Variants in DOCK3 observed in about 807,000 individuals in gnomAD.
DOCK3 encodes the protein dedicator of cytokinesis 3, also known as dedicator of cytokinesis protein 3.
DOCK3 carries 60 observed loss-of-function variants against 265.6 expected under a neutral mutation model. The observed-to-expected ratio is 0.23, with a 90% CI of 0.18 to 0.28. The LOEUF (loss-of-function observed/expected upper bound fraction) is 0.28, where lower values mean the gene tolerates loss of function less well. Among genes scored for constraint, DOCK3 ranks in the 10% least tolerant of loss-of-function variants. The pLI, the probability that DOCK3 is intolerant of heterozygous loss-of-function variation, is 1.00. For synonymous variants in DOCK3, 881 were observed against 938.0 expected (o/e 0.94, Z 1.11); for missense variants, 1,981 against 2,594.3 (o/e 0.76, Z 5.14).
chr3:50,901,247 A>C (rs13092418), intron 4 of DOCK3, among the ~76,000 whole-genome samples: 14,362 of 152,136 alleles, frequency 0.094, 839 homozygotes, highest in Non-Finnish European at 0.12. Context: ...CCCAGTTTGA[A>C]CTTCCTGATG....
intron 9 of DOCK3, among the ~76,000 whole-genome samples, chr3:51,093,547 G>C (rs1576046312): frequency 6.6e-6 from 1 of 152,192 alleles, no homozygotes; most frequent in South Asian, 2.1e-4. Context: ...CTGAGACTTT[G>C]CTGAAGTTAC....
chr3:51,271,053 C>T, intron 24 of DOCK3, 46 bp downstream of exon 24: 1 of 1,565,474 alleles, frequency 6.4e-7, no homozygotes, highest in Non-Finnish European at 8.7e-7. Context: ...CAGGGGTGTC[C>T]TCCTTCCTTC....
intron 3 of DOCK3, among the ~76,000 whole-genome samples, chr3:50,865,880 G>C: frequency 6.6e-6 from 1 of 152,052 alleles, no homozygotes; most frequent in Non-Finnish European, 1.5e-5. Flanking sequence ...TTGTAGTTTT[G>C]GTTTGTATTT....
In DOCK3 at chr3:51,322,879, C is replaced by T. The variant is rs150583554; in HGVS notation, c.3403-7259C>T. On this transcript the variant is annotated intron_variant, in intron 32 of 52. Transcript: ENST00000266037. ...TGGCAAATTGGGTAAAGAGTCAAGA[C>T]CCATCGGTGTGCTGTATTCAAGAGA... 4.2e-3 allele frequency among the ~76,000 whole-genome samples: 645 copies of T among 151,894 alleles called. 2 individuals are homozygous for T. The highest frequency in any genetic ancestry group is 0.014 in the Middle Eastern group (4 of 294).
intron 4 of DOCK3, among the ~76,000 whole-genome samples, chr3:50,922,739 C>A (rs2050557691): frequency 6.6e-6 from 1 of 151,662 alleles, no homozygotes. Flanking sequence ...ATGCACTTAG[C>A]CAGTTTATTT....
At chr3:50,703,612 G>T (rs1231075825) in intron 1 of DOCK3, among the ~76,000 whole-genome samples, 3 of 151,686 alleles carry the variant, frequency 2.0e-5, no homozygotes, top group Admixed American at 6.6e-5. Context: ...CAATTTGTTA[G>T]CATATAGTTG....
intron 6 of DOCK3, among the ~76,000 whole-genome samples, chr3:51,067,053 A>G (rs1197022863): frequency 6.6e-6 from 1 of 152,198 alleles, no homozygotes; most frequent in Non-Finnish European, 1.5e-5. Flanking sequence ...ATGTTATGAA[A>G]TTATGTCACT....
chr3:50,943,558 T>C (rs1187558176), intron 5 of DOCK3, among the ~76,000 whole-genome samples: 1 of 152,088 alleles, frequency 6.6e-6, no homozygotes, highest in Admixed American at 6.5e-5. Flanking sequence ...GGCTAAGGTG[T>C]TAGATGTTTT....
In DOCK3 at chr3:51,007,131, A is replaced by G. The variant is rs1575736526; in HGVS notation, c.316-57317A>G. ...TAGCATGCTTTATAATCCGTTGGAT[A>G]TATACCCAGTAATGGGATGGCTGGG... On this transcript the variant is annotated intron_variant, in intron 5 of 52. Coordinates refer to ENST00000266037, the MANE Select transcript of DOCK3 (RefSeq NM_004947.5). 2.0e-5 allele frequency among the ~76,000 whole-genome samples: 3 copies of G among 152,362 alleles called. No individual in the cohort carries two copies. In the South Asian group the frequency reaches 6.2e-4, roughly 32 times the overall value.
At chr3:51,330,367 C>A in intron 33 of DOCK3, 144 bp downstream of exon 33, 1 of 618,438 alleles carries the variant, frequency 1.6e-6, no homozygotes, top group Non-Finnish European at 2.7e-6. Flanking sequence ...TAGCAATGCT[C>A]AACTTCTGTC....
At chr3:50,730,645 T>C (rs868138846) in intron 1 of DOCK3, among the ~76,000 whole-genome samples, 7 of 150,122 alleles carry the variant, frequency 4.7e-5, no homozygotes, top group African/African-American at 1.5e-4. Flanking sequence ...CTGGCCAACA[T>C]AGTGTCTCTA....
intron 1 of DOCK3, among the ~76,000 whole-genome samples, chr3:50,756,308 G>A (rs77125954): frequency 0.048 from 7,315 of 152,140 alleles, 247 homozygotes; most frequent in Non-Finnish European, 0.075. Context: ...GAGTCTGCTC[G>A]CCCAATTCCT....
intron 5 of DOCK3, among the ~76,000 whole-genome samples, chr3:51,048,863 A>C (rs2080878281): frequency 7.7e-6 from 1 of 129,760 alleles, no homozygotes; most frequent in Non-Finnish European, 1.5e-5. Flanking sequence ...ACTCCATCTC[A>C]AAAAAAAAAA....
intron 12 of DOCK3, among the ~76,000 whole-genome samples, chr3:51,201,011 G>T (rs981048931): frequency 1.3e-5 from 2 of 152,012 alleles, no homozygotes; most frequent in South Asian, 2.1e-4. Flanking sequence ...CCCTAAAAGA[G>T]CTCCTGAGGG....
chr3:50,778,865 T>C (rs2041758100), intron 2 of DOCK3, 107 bp downstream of exon 2: 5 of 711,542 alleles, frequency 7.0e-6, no homozygotes, highest in Admixed American at 2.8e-5. Flanking sequence ...GAGCCATAAT[T>C]AGTCACATGA....
intron 10 of DOCK3, among the ~76,000 whole-genome samples, chr3:51,158,168 T>G (rs1410494691): frequency 1.3e-5 from 2 of 152,182 alleles, no homozygotes; most frequent in African/African-American, 2.4e-5. Flanking sequence ...TTAAAGAATT[T>G]TTGTTATTTC....
intron 2 of DOCK3, among the ~76,000 whole-genome samples, chr3:50,790,615 G>A (rs2042420847): frequency 6.6e-6 from 1 of 151,832 alleles, no homozygotes; most frequent in African/African-American, 2.4e-5. Context: ...ACTGATAATT[G>A]TTTTGTTTAA....
intron 3 of DOCK3, among the ~76,000 whole-genome samples, chr3:50,881,077 GC>G (rs2047995829): frequency 6.6e-6 from 1 of 152,078 alleles, no homozygotes; most frequent in Non-Finnish European, 1.5e-5. Context: ...AAATTCAACA[GC>G]CCTTCATAAT....
rs2084628640 is a variant in DOCK3 at position 51,333,006 on chromosome 3, A to G, written c.3494A>G (p.Gln1165Arg). 1 of 1,613,984 alleles carries G rather than the reference A, an allele frequency of 6.2e-7. No homozygotes were observed. Among genetic ancestry groups the G allele is most frequent in the Non-Finnish European group, 8.5e-7 (1 of 1,179,882 alleles). The change falls in exon 34 of 53, where the codon CAG (glutamine) becomes CGG (arginine). Residue 1165 changes from glutamine (Q) to arginine (R), a missense_variant. Gln to Arg is a conservative substitution (Grantham distance 43). Coordinates refer to ENST00000266037, the MANE Select transcript of DOCK3 (RefSeq NM_004947.5). ...SYRELFSLLT[Q>R]LFGPYPSLLE... is the part of the protein sequence containing the mutation. Reference sequence around the variant, plus strand: ...CTTTCTGCTGCATGGAGTAGAACCCAGCTGTTTGGGCCCTACCCCAGGTAA... The same window carrying G: ...CTTTCTGCTGCATGGAGTAGAACCCGGCTGTTTGGGCCCTACCCCAGGTAA...
Sources: gnomAD v4.1 joint callset for allele counts (sites outside exome capture counted in the v4.1 genomes callset) on GRCh38, gnomAD v4.1.1 for gene constraint, MANE v1.5 for transcripts, NCBI Gene and HGNC (gene_info 2026-07-23, HGNC 2026-07-21) for gene names.